WDR25: variants seen among roughly 807,000 people sequenced by gnomAD.
WDR25 encodes WD repeat-containing protein 25.
Under a neutral mutation model 47.7 loss-of-function variants are expected in WDR25, and 35 were observed. That is an observed-to-expected ratio of 0.73 (90% CI 0.56 to 0.97). The LOEUF is 0.97. Ranked by LOEUF, WDR25 falls within the 50% of genes least tolerant of loss-of-function variation. WDR25 has a pLI of 0.00. For missense variants in WDR25, 634 were observed against 704.7 expected (o/e 0.90, Z 1.14); for synonymous variants, 248 against 278.9 (o/e 0.89, Z 1.10).
In WDR25 at chr14:100,436,121, C is replaced by T. The variant is rs1373676770; in HGVS notation, c.823-31900C>T. On this transcript the variant is annotated intron_variant, in intron 2 of 6. Transcript: ENST00000402312. ...ATTCTCAGCTCTGCTGTTGACTAGC[C>T]ATGTGTCTTTGGGATGTGTTATGTC... 9.1e-4 allele frequency among the ~76,000 whole-genome samples: 138 copies of T among 152,202 alleles called. 2 individuals carry two copies. Among genetic ancestry groups the T allele is most frequent in the Admixed American group, 9.0e-3 (137 of 15,286 alleles).
intron 3 of WDR25, among the ~76,000 whole-genome samples, chr14:100,471,384 C>T (rs933946949): frequency 3.3e-5 from 5 of 152,222 alleles, no homozygotes; most frequent in Non-Finnish European, 5.9e-5. Flanking sequence ...CTATGTCTCC[C>T]CCTATGTCTC....
rs974049884 is a variant in WDR25, at chr14:100,494,394, G to A, written c.1101+10270G>A. Among the ~76,000 whole-genome samples, 9 of 152,338 alleles carry A rather than the reference G, an allele frequency of 5.9e-5. 1 individual carries two copies. Among genetic ancestry groups the A allele is most frequent in the African/African-American group, 2.2e-4 (9 of 41,580 alleles). The stretch of plus-strand genomic sequence containing the variant: ...TGATTATAGTTGTTTTAAATTTGCA[G>A]CCTGATAATTCCGTCATCACTGCCA... On this transcript the variant is annotated intron_variant, in intron 4 of 6. Transcript: ENST00000402312.
chr14:100,481,944 C>G (rs534582337), intron 3 of WDR25, among the ~76,000 whole-genome samples: 1 of 152,240 alleles, frequency 6.6e-6, no homozygotes, highest in African/African-American at 2.4e-5. Context: ...AAATTTTGAC[C>G]TGGAAAGTCA....
chr14:100,427,665 C>T (rs1898209110), intron 2 of WDR25, among the ~76,000 whole-genome samples: 1 of 152,232 alleles, frequency 6.6e-6, no homozygotes, highest in Non-Finnish European at 1.5e-5. Flanking sequence ...GGTTGTATCA[C>T]TTGACATCTT....
rs747045439 is a variant in WDR25, at chr14:100,529,858, C to T, written c.1452C>T (p.Gly484=). ...CAGTGGGCTGCGAGTGCTCCCCAGG[C>T]GGTGACTTGCTGGTGACGGGCAGCG... ...GYSVGCECSP[G]GDLLVTGSAD... The change falls in exon 7 of 7, where the codon GGC becomes GGT. Residue 484 remains glycine, a synonymous_variant. Coordinates refer to ENST00000402312, the MANE Select transcript of WDR25 (RefSeq NM_001161476.3). The surrounding 1 kb of genome is among the most constrained non-coding windows in gnomAD (Gnocchi z 5.1). 4.4e-5 allele frequency: 71 copies of T among 1,613,010 alleles called. No individual in the cohort carries two copies. The East Asian group carries it at 8.5e-4, about 19-fold the overall frequency.
chr14:100,411,112 C>T (rs550974081), intron 2 of WDR25, among the ~76,000 whole-genome samples: 5 of 152,080 alleles, frequency 3.3e-5, no homozygotes, highest in Admixed American at 6.6e-5. Context: ...TTGTCCAGAA[C>T]ATAATTGGTT....
intron 2 of WDR25, among the ~76,000 whole-genome samples, chr14:100,434,032 C>G (rs1414456011): frequency 6.6e-6 from 1 of 151,430 alleles, no homozygotes; most frequent in African/African-American, 2.4e-5. Flanking sequence ...TTGAGACCAG[C>G]CTGGGCAACA....
At chr14:100,377,221 C>G (rs1169070526) in intron 1 of WDR25, among the ~76,000 whole-genome samples, 5 of 152,184 alleles carry the variant, frequency 3.3e-5, no homozygotes, top group Non-Finnish European at 7.3e-5. Flanking sequence ...GTGCACGGTT[C>G]CATTAGTTTA....
intron 4 of WDR25, among the ~76,000 whole-genome samples, chr14:100,510,684 C>T (rs890909039): frequency 2.7e-5 from 4 of 150,488 alleles, no homozygotes; most frequent in Admixed American, 6.6e-5. Context: ...TGCAGTGAGC[C>T]GAGATCGCGT....
In WDR25 at chr14:100,500,468, G is replaced by C. The variant is rs960794829; in HGVS notation, c.1101+16344G>C. 1.3e-5 allele frequency among the ~76,000 whole-genome samples: 2 copies of C among 152,188 alleles called. No individual in the cohort carries two copies. The highest frequency in any genetic ancestry group is 4.8e-5 in the African/African-American group (2 of 41,450). ...TGCCGGGCACGGGGCATTCTCTGTGGCCCAGCCCAAGGCCAGTGCACCACA... is the reference window on the plus strand; with the variant it reads ...TGCCGGGCACGGGGCATTCTCTGTGCCCCAGCCCAAGGCCAGTGCACCACA... On this transcript the variant is annotated intron_variant, in intron 4 of 6. Coordinates refer to ENST00000402312, the MANE Select transcript of WDR25 (RefSeq NM_001161476.3). The surrounding 1 kb of genome is among the most constrained non-coding windows in gnomAD (Gnocchi z 4.7).
chr14:100,405,838 G>A (rs1171363064), intron 2 of WDR25, among the ~76,000 whole-genome samples: 1 of 152,170 alleles, frequency 6.6e-6, no homozygotes, highest in Non-Finnish European at 1.5e-5. Flanking sequence ...CGCCACTCCC[G>A]AGGAAACCCA....
intron 4 of WDR25, among the ~76,000 whole-genome samples, chr14:100,486,531 A>G (rs910903609): frequency 2.0e-5 from 3 of 151,984 alleles, no homozygotes; most frequent in Non-Finnish European, 4.4e-5. Flanking sequence ...GGCTCAGGGG[A>G]CAACACTCTT....
At chr14:100,464,260 C>T (rs1167585302) in intron 2 of WDR25, among the ~76,000 whole-genome samples, 1 of 152,204 alleles carries the variant, frequency 6.6e-6, no homozygotes, top group African/African-American at 2.4e-5. Context: ...GGCTTTCTCA[C>T]CCCTTCAGGA....
intron 3 of WDR25, chr14:100,480,831 T>G: frequency 4.5e-6 from 1 of 224,036 alleles, no homozygotes; most frequent in Non-Finnish European, 9.0e-6. Flanking sequence ...ACTAGCAAAA[T>G]GTTCACAAAA....
At chr14:100,524,332 C>G (rs2030007318) in intron 4 of WDR25, among the ~76,000 whole-genome samples, 1 of 152,050 alleles carries the variant, frequency 6.6e-6, no homozygotes, top group South Asian at 2.1e-4. Context: ...AACGGGCACT[C>G]AGCGAGTGGC....
At chr14:100,410,499 A>G (rs892219446) in intron 2 of WDR25, among the ~76,000 whole-genome samples, 2 of 152,174 alleles carry the variant, frequency 1.3e-5, no homozygotes, top group African/African-American at 2.4e-5. Context: ...TAAGTTGCAC[A>G]GTGGTATTTC....
At chr14:100,471,586 A>G (rs1250187936) in intron 3 of WDR25, among the ~76,000 whole-genome samples, 3 of 152,068 alleles carry the variant, frequency 2.0e-5, no homozygotes, top group Non-Finnish European at 4.4e-5. Context: ...TTTCATTTCA[A>G]TCTAATTAGG....
In WDR25 at chr14:100,440,339, T is replaced by C. The variant is rs1321314298; in HGVS notation, c.823-27682T>C. On this transcript the variant is annotated intron_variant, in intron 2 of 6. Coordinates refer to ENST00000402312, the MANE Select transcript of WDR25 (RefSeq NM_001161476.3). The surrounding 1 kb of genome is among the most constrained non-coding windows in gnomAD (Gnocchi z 4.4). Reference sequence around the variant, plus strand: ...TCAAAATGCAGACAGGCAGCCACAGTCAGGGAGCCCTTCGGCCACGGCAGC... The same window carrying C: ...TCAAAATGCAGACAGGCAGCCACAGCCAGGGAGCCCTTCGGCCACGGCAGC... 9.2e-5 allele frequency among the ~76,000 whole-genome samples: 14 copies of C among 152,376 alleles called. No homozygotes were observed. Among genetic ancestry groups the C allele is most frequent in the Admixed American group, 7.8e-4 (12 of 15,310 alleles).
chr14:100,435,664 C>T (rs1016967021), intron 2 of WDR25, among the ~76,000 whole-genome samples: 3 of 151,102 alleles, frequency 2.0e-5, no homozygotes, highest in African/African-American at 7.4e-5. Context: ...CTCAATCATT[C>T]GTTCATTCAT....
Sources: allele counts gnomAD v4.1 joint callset (sites outside exome capture counted in the v4.1 genomes callset), GRCh38; gene constraint gnomAD v4.1.1; non-coding constraint Gnocchi (gnomAD v3.1); transcripts MANE v1.5; gene names NCBI Gene and HGNC (gene_info 2026-07-23, HGNC 2026-07-21).